RGS3: variants seen among roughly 807,000 people sequenced by gnomAD.
RGS3 encodes regulator of G-protein signalling 3.
In RGS3, 80 loss-of-function variants were observed where a neutral mutation model predicts 132.6. The observed-to-expected ratio is 0.60, with a 90% CI of 0.50 to 0.73. The LOEUF (loss-of-function observed/expected upper bound fraction) is 0.73. RGS3 is among the 30% of genes least tolerant of loss of function. The pLI is 0.00. For synonymous variants in RGS3, 598 were observed against 620.6 expected, an observed-to-expected ratio of 0.96 and a Z score of 0.54; for missense variants, 1,382 against 1,530.8, an observed-to-expected ratio of 0.90 and a Z score of 1.62.
intron 19 of RGS3, among the ~76,000 whole-genome samples, chr9:113,545,069 T>C (rs555305884): frequency 2.6e-5 from 4 of 152,300 alleles, no homozygotes; most frequent in Non-Finnish European, 5.9e-5. Flanking sequence ...AAGCCTAAAA[T>C]GAGAGATCAG....
In RGS3 at chr9:113,565,206, G is replaced by T. The variant is rs538113254; in HGVS notation, c.2038-18244G>T. On this transcript the variant is annotated intron_variant, in intron 19 of 24. Transcript: ENST00000350696. This position sits in a 1 kb window ranked among gnomAD's most constrained non-coding sequence, Gnocchi z 5.7. Reference sequence around the variant, plus strand: ...GGGAGCCAGCTGGGCCCCTCGCGGGGTGGGCAGAAGGACGGGCTGGCCCAG... The same window carrying T: ...GGGAGCCAGCTGGGCCCCTCGCGGGTTGGGCAGAAGGACGGGCTGGCCCAG... The T allele has an allele frequency of 1.4e-5, 18 of 1,254,380 alleles. No individual in the cohort carries two copies. Among genetic ancestry groups the T allele is most frequent in the East Asian group, 5.7e-5 (1 of 17,612 alleles). 77.7% of individuals were successfully genotyped at this position (1,254,380 alleles called of 1,614,324 possible).
intron 20 of RGS3, among the ~76,000 whole-genome samples, chr9:113,590,320 T>A (rs1457197506): frequency 1.3e-5 from 2 of 152,142 alleles, no homozygotes; most frequent in African/African-American, 4.8e-5. Flanking sequence ...AATTCATCCA[T>A]CCATCCACTC....
chr9:113,527,011 A>G (rs1248407263), intron 17 of RGS3, among the ~76,000 whole-genome samples: 5 of 152,092 alleles, frequency 3.3e-5, no homozygotes, highest in African/African-American at 1.2e-4. Flanking sequence ...TTCTTTTATG[A>G]GGCTCTGAAC....
At position 113,506,199 on chromosome 9, in the gene RGS3, A is replaced by G. The variant is rs77832964; in HGVS notation, c.980-189A>G. Among the ~76,000 whole-genome samples the G allele has an allele frequency of 0.014, 2,059 of 152,070 alleles. 41 individuals carry two copies. Among genetic ancestry groups the G allele is most frequent in the African/African-American group, 0.047 (1,966 of 41,448 alleles). On this transcript the variant is annotated intron_variant, in intron 11 of 24. Coordinates refer to ENST00000350696, the Ensembl canonical transcript of RGS3. This position sits in a 1 kb window ranked among gnomAD's most constrained non-coding sequence, Gnocchi z 4.7. ...AGGGGAGGCAAGCAGGGAGAAGGGA[A>G]GGCAAAGGGATGCCTTCTTTCAAGG...
chr9:113,464,711 C>T (rs1326800816), intron 3 of RGS3, among the ~76,000 whole-genome samples: 1 of 152,200 alleles, frequency 6.6e-6, no homozygotes, highest in Non-Finnish European at 1.5e-5. Flanking sequence ...TCAAGCTTTC[C>T]AGAGATGACC....
At position 113,448,857 on chromosome 9, in the gene RGS3, T is replaced by A. The variant is rs140021793; in HGVS notation, c.-13+3930T>A. On this transcript the variant is annotated intron_variant, in intron 1 of 25. Coordinates refer to the RGS3 transcript ENST00000374140. ...CTACAGTGATGAGAAGAAGGAGAGG[T>A]CACTTTGGATATTACCATTTAAGGC... Among the ~76,000 whole-genome samples the A allele has an allele frequency of 3.5e-3, 525 of 151,830 alleles. 5 individuals are homozygous for A. The highest frequency in any genetic ancestry group is 0.012 in the African/African-American group (495 of 41,404).
intron 19 of RGS3, among the ~76,000 whole-genome samples, chr9:113,559,916 T>C (rs1011357654): frequency 6.6e-6 from 1 of 152,332 alleles, no homozygotes; most frequent in South Asian, 2.1e-4. Flanking sequence ...AATGACATCA[T>C]AGCAATAACA....
At chr9:113,540,033 T>A (rs1832839547) in intron 19 of RGS3, among the ~76,000 whole-genome samples, 2 of 151,996 alleles carry the variant, frequency 1.3e-5, no homozygotes, top group South Asian at 2.1e-4. Flanking sequence ...CCATCTAGTA[T>A]CCATTTTTTG....
intron 22 of RGS3, 149 bp from the exon 21 acceptor site, chr9:113,594,770 A>C: frequency 1.3e-6 from 1 of 761,792 alleles, no homozygotes; most frequent in South Asian, 1.7e-5. Context: ...TGGCCCCGGG[A>C]AAGAGGGTGG....
intron 19 of RGS3, among the ~76,000 whole-genome samples, chr9:113,561,399 T>G (rs1213359270): frequency 1.4e-5 from 2 of 146,990 alleles, no homozygotes; most frequent in African/African-American, 5.2e-5. Flanking sequence ...CCCCTCTTTC[T>G]GTCTCTCTCT....
At chr9:113,462,725 C>G (rs1829504770) in intron 3 of RGS3, among the ~76,000 whole-genome samples, 1 of 152,210 alleles carries the variant, frequency 6.6e-6, no homozygotes, top group Admixed American at 6.5e-5. Context: ...AGCTCAGCCT[C>G]TGGCATCTGG....
chr9:113,449,280 G>T (rs1433679027), intron 1 of RGS3, among the ~76,000 whole-genome samples: 1 of 152,124 alleles, frequency 6.6e-6, no homozygotes, highest in African/African-American at 2.4e-5. Context: ...TGCAAAGGAA[G>T]AATGAACCAG....
intron 10 of RGS3, chr9:113,501,664 G>A (rs754000330): frequency 2.2e-5 from 34 of 1,546,272 alleles, no homozygotes; most frequent in African/African-American, 2.7e-5. Flanking sequence ...GAGCCTGTGG[G>A]GTGTTCAGGG....
chr9:113,454,776 TTCTA>T (rs1484349829), intron 1 of RGS3, among the ~76,000 whole-genome samples: 1 of 151,626 alleles, frequency 6.6e-6, no homozygotes, highest in African/African-American at 2.4e-5. Context: ...CTTCTGAGTA[TTCTA>T]TCTAATACCT....
At chr9:113,491,093 TTAATTA>T (rs1830504175) in intron 7 of RGS3, among the ~76,000 whole-genome samples, 1 of 141,800 alleles carries the variant, frequency 7.1e-6, no homozygotes, top group Admixed American at 7.1e-5. Context: ...TATACATAAC[TTAATTA>T]TAATTATATA....
At chr9:113,573,021 T>C (rs1325754911) in intron 19 of RGS3, among the ~76,000 whole-genome samples, 2 of 152,220 alleles carry the variant, frequency 1.3e-5, no homozygotes, top group African/African-American at 4.8e-5. Flanking sequence ...TTACAGAAAT[T>C]GCAGATGCTT....
At chr9:113,584,942 C>T (rs1835043764) in intron 20 of RGS3, among the ~76,000 whole-genome samples, 1 of 152,260 alleles carries the variant, frequency 6.6e-6, no homozygotes, top group Non-Finnish European at 1.5e-5. Flanking sequence ...GGTTATCTAA[C>T]TTGCTCCAGG....
Position 113,566,156 on chromosome 9 carries a change from T to A in RGS3, c.2038-17294T>A, listed in dbSNP as rs191564519. On this transcript the variant is annotated intron_variant, in intron 19 of 24. Coordinates refer to ENST00000350696, the Ensembl canonical transcript of RGS3. ...GGCACCAGGGATGGAAGCTCGTGTC[T>A]AGTTTCACTGGCAGGGGAAGAGGTG... Among the ~76,000 whole-genome samples, 220 of 152,324 alleles carry A rather than the reference T, an allele frequency of 1.4e-3. 1 individual carries two copies. Among genetic ancestry groups the A allele is most frequent in the African/African-American group, 4.8e-3 (200 of 41,578 alleles).
At chr9:113,574,073 G>C (rs886614341) in intron 19 of RGS3, among the ~76,000 whole-genome samples, 1 of 152,182 alleles carries the variant, frequency 6.6e-6, no homozygotes, top group Non-Finnish European at 1.5e-5. Context: ...AGAGCCTAAA[G>C]TATAAAACAA....
Sources: allele counts gnomAD v4.1 joint callset (sites outside exome capture counted in the v4.1 genomes callset), GRCh38; gene constraint gnomAD v4.1.1; non-coding constraint Gnocchi (gnomAD v3.1); transcripts MANE v1.5; gene names NCBI Gene and HGNC (gene_info 2026-07-23, HGNC 2026-07-21).